Variants in EBF1 observed in about 807,000 individuals in gnomAD.
The protein encoded by EBF1 is transcription factor COE1.
A neutral mutation model predicts 68.4 loss-of-function variants in EBF1; 10 were observed. The ratio of observed to expected loss-of-function variants is 0.15; its 90% confidence interval spans 0.09 to 0.25. EBF1 has a LOEUF of 0.25. Among genes scored for constraint, EBF1 ranks in the 10% least tolerant of loss-of-function variants. The pLI, the probability that EBF1 is intolerant of heterozygous loss-of-function variation, is 1.00. For missense variants in EBF1, 509 were observed against 794.4 expected, an observed-to-expected ratio of 0.64 and a Z score of 4.32; for synonymous variants, 298 against 299.8, an observed-to-expected ratio of 0.99 and a Z score of 0.06.
intron 6 of EBF1, among the ~76,000 whole-genome samples, chr5:158,907,767 A>G (rs1250720949): frequency 2.6e-5 from 4 of 152,156 alleles, no homozygotes; most frequent in African/African-American, 9.7e-5. Flanking sequence ...ATATAAAAAA[A>G]AAACAAATGC....
At chr5:158,827,397 A>G (rs1420908569) in intron 7 of EBF1, among the ~76,000 whole-genome samples, 1 of 152,184 alleles carries the variant, frequency 6.6e-6, no homozygotes, top group Non-Finnish European at 1.5e-5. Context: ...GGTTTATATA[A>G]TGTCGCTTTC....
At chr5:158,845,393 T>A (rs1410161336) in intron 6 of EBF1, among the ~76,000 whole-genome samples, 1 of 152,198 alleles carries the variant, frequency 6.6e-6, no homozygotes, top group African/African-American at 2.4e-5. Context: ...TTAGATAAAT[T>A]ATTTAACCTC....
chr5:158,751,350 A>G (rs1768856740), intron 10 of EBF1, among the ~76,000 whole-genome samples: 4 of 151,632 alleles, frequency 2.6e-5, no homozygotes, highest in African/African-American at 9.7e-5. Flanking sequence ...CCCCTGGCTC[A>G]TAATGACCTG....
intron 6 of EBF1, among the ~76,000 whole-genome samples, chr5:159,017,885 T>TA (rs1434963732): frequency 6.6e-6 from 1 of 152,224 alleles, no homozygotes; most frequent in African/African-American, 2.4e-5. Flanking sequence ...GGACAGTCTC[T>TA]AAAAATACTA....
At chr5:159,096,456 G>C in intron 2 of EBF1, 50 bp from the exon 3 acceptor site, 3 of 1,592,322 alleles carry the variant, frequency 1.9e-6, no homozygotes, top group Non-Finnish European at 2.6e-6. Flanking sequence ...AGAGAGGTCT[G>C]CGTGAGCGAG....
rs184395301 is a variant in EBF1 at position 158,754,691 on chromosome 5, G to A, written c.1036+22722C>T. On this transcript the variant is annotated intron_variant, in intron 10 of 15. Coordinates refer to ENST00000313708, the MANE Select transcript of EBF1 (RefSeq NM_024007.5). ...TGATATCAGATTGGATTTTTTTCTAGTTAGAAAAAGTATTAGCAAATACTA... is the reference window on the plus strand; with the variant it reads ...TGATATCAGATTGGATTTTTTTCTAATTAGAAAAAGTATTAGCAAATACTA... Among the ~76,000 whole-genome samples, 13 of 152,006 alleles carry A rather than the reference G, an allele frequency of 8.6e-5. No individual in the cohort carries two copies. The East Asian group carries it at 2.3e-3, about 27-fold the overall frequency.
Position 158,696,462 on chromosome 5 carries a change from CG to C in EBF1, c.*2648del. 1 of 222,262 alleles carries C rather than the reference CG, an allele frequency of 4.5e-6. No individual in the cohort carries two copies. The highest frequency in any genetic ancestry group is 2.2e-5 in the African/African-American group (1 of 44,752). The allele number at this position is 222,262 out of a possible 1,614,324, so 13.8% of individuals were successfully genotyped here. A position where few individuals can be genotyped will look rare whatever the true frequency, so the allele number is the denominator to read the frequency against. On this transcript the variant is annotated 3_prime_UTR_variant, in exon 16 of 16. Transcript: ENST00000313708. Reference sequence around the variant, plus strand: ...TAGTGTCTGTTGTCAAGGTCTAAGCCGGACACCTTCCCGGCTGACCGTTCAT... The same window carrying C: ...TAGTGTCTGTTGTCAAGGTCTAAGCCGACACCTTCCCGGCTGACCGTTCAT...
At position 159,045,109 on chromosome 5, in the gene EBF1, A is replaced by C. The variant is rs989767492; in HGVS notation, c.554+28287T>G. Among the ~76,000 whole-genome samples the C allele has an allele frequency of 3.3e-5, 5 of 152,318 alleles. No individual in the cohort carries two copies. The South Asian group carries it at 8.3e-4, about 25-fold the overall frequency. ...TTATGAAGTAGTCCTTTAAGAAAAA[A>C]GGAAAAAAAGAAACTTTGGTTCATT... On this transcript the variant is annotated intron_variant, in intron 6 of 15. Transcript: ENST00000313708.
At chr5:158,875,048 CACACACAT>C (rs1282844632) in intron 6 of EBF1, among the ~76,000 whole-genome samples, 23 of 101,596 alleles carry the variant, frequency 2.3e-4, no homozygotes, top group African/African-American at 9.3e-4. Flanking sequence ...CAAGCACACA[CACACACAT>C]ACACACACAC....
chr5:158,781,531 A>G (rs139890950), intron 9 of EBF1, among the ~76,000 whole-genome samples: 5 of 152,156 alleles, frequency 3.3e-5, no homozygotes, highest in South Asian at 2.1e-4. Flanking sequence ...TCTTCTTGCC[A>G]TCTCAATCTC....
intron 10 of EBF1, among the ~76,000 whole-genome samples, chr5:158,761,616 G>A (rs763109713): frequency 2.5e-4 from 38 of 152,118 alleles, no homozygotes; most frequent in Non-Finnish European, 5.3e-4. Context: ...TCTTTTTAAT[G>A]CTACCCAAAA....
intron 6 of EBF1, among the ~76,000 whole-genome samples, chr5:158,873,429 C>A (rs950602793): frequency 4.6e-5 from 7 of 152,160 alleles, no homozygotes; most frequent in Non-Finnish European, 8.8e-5. Context: ...TCACTCATAA[C>A]AGCACCTTCA....
chr5:158,818,982 C>T (rs1784303027), intron 8 of EBF1, among the ~76,000 whole-genome samples: 1 of 151,262 alleles, frequency 6.6e-6, no homozygotes, highest in Non-Finnish European at 1.5e-5. Context: ...GGGACTTAAT[C>T]CCACTCCTGG....
chr5:159,005,569 C>G (rs188707698), intron 6 of EBF1, among the ~76,000 whole-genome samples: 1 of 152,206 alleles, frequency 6.6e-6, no homozygotes, highest in East Asian at 1.9e-4. Flanking sequence ...ATATTTCTTT[C>G]CTGTACATTT....
chr5:158,808,485 C>T (rs1243427975), intron 8 of EBF1, among the ~76,000 whole-genome samples: 1 of 152,128 alleles, frequency 6.6e-6, no homozygotes, highest in African/African-American at 2.4e-5. Flanking sequence ...GCCTCAGCAG[C>T]AGTTAAGAGC....
chr5:159,050,152 T>TTC (rs148912326), intron 6 of EBF1, among the ~76,000 whole-genome samples: 3,565 of 135,554 alleles, frequency 0.026, 112 homozygotes, highest in Non-Finnish European at 0.033. Flanking sequence ...TCGTTTCTCT[T>TTC]TCTCTCTCTC....
intron 6 of EBF1, among the ~76,000 whole-genome samples, chr5:158,840,607 AAACT>A (rs1404236610): frequency 2.7e-5 from 4 of 150,012 alleles, no homozygotes; most frequent in Admixed American, 6.6e-5. Flanking sequence ...TAAAATTCAC[AAACT>A]AACTAAACTC....
intron 6 of EBF1, among the ~76,000 whole-genome samples, chr5:158,863,707 T>A (rs1795361551): frequency 1.3e-5 from 2 of 152,232 alleles, no homozygotes; most frequent in South Asian, 2.1e-4. Context: ...TGCAGCTTTA[T>A]ACTGTGTGAC....
intron 8 of EBF1, among the ~76,000 whole-genome samples, chr5:158,820,226 A>G (rs563852089): frequency 8.2e-5 from 12 of 146,094 alleles, no homozygotes; most frequent in Admixed American, 4.1e-4. Context: ...AGAGGAGAAC[A>G]TGCTTTGCCG....
Sources: gnomAD v4.1 joint callset for allele counts (sites outside exome capture counted in the v4.1 genomes callset) on GRCh38, gnomAD v4.1.1 for gene constraint, MANE v1.5 for transcripts, NCBI Gene and HGNC (gene_info 2026-07-23, HGNC 2026-07-21) for gene names.